Variants in ADGB observed in about 807,000 individuals in gnomAD.
ADGB encodes calpain-7-like protein.
ADGB carries 172 observed loss-of-function variants against 210.5 expected under a neutral mutation model. That is an observed-to-expected ratio of 0.82 (90% CI 0.72 to 0.93). ADGB has a LOEUF of 0.93. ADGB is among the 40% of genes least tolerant of loss of function. ADGB has a pLI of 0.00. For synonymous variants in ADGB, 658 were observed against 662.7 expected (o/e 0.99, Z 0.11); for missense variants, 2,025 against 1,964.8 (o/e 1.03, Z -0.58).
intron 33 of ADGB, among the ~76,000 whole-genome samples, chr6:146,799,488 C>T (rs1344884940): frequency 7.0e-5 from 10 of 142,746 alleles, no homozygotes; most frequent in African/African-American, 2.3e-4. Flanking sequence ...GAGCCAAGAT[C>T]GCGCCACTGC....
At chr6:146,813,358 T>G (rs1443182722) in intron 35 of ADGB, among the ~76,000 whole-genome samples, 1 of 152,128 alleles carries the variant, frequency 6.6e-6, no homozygotes, top group African/African-American at 2.4e-5. Flanking sequence ...CCGTTGGTGG[T>G]TTATTGTGTT....
chr6:146,760,923 T>C (rs2114621735), intron 27 of ADGB, among the ~76,000 whole-genome samples: 1 of 152,080 alleles, frequency 6.6e-6, no homozygotes, highest in African/African-American at 2.4e-5. Context: ...ATTCACACAT[T>C]ACACCCACAT....
intron 35 of ADGB, among the ~76,000 whole-genome samples, chr6:146,813,768 TTG>T (rs1778338611): frequency 6.6e-6 from 1 of 152,222 alleles, no homozygotes; most frequent in African/African-American, 2.4e-5. Flanking sequence ...TTTGTGGTTT[TTG>T]TGTGTAATAA....
intron 2 of ADGB, among the ~76,000 whole-genome samples, chr6:146,640,134 C>T (rs1156516021): frequency 6.6e-6 from 1 of 152,022 alleles, no homozygotes; most frequent in African/African-American, 2.4e-5. Flanking sequence ...ACAAACTCCT[C>T]TATGCACACA....
chr6:146,626,612 A>T (rs897166855), intron 1 of ADGB, among the ~76,000 whole-genome samples: 2 of 151,628 alleles, frequency 1.3e-5, no homozygotes, highest in African/African-American at 4.8e-5. Flanking sequence ...TTTCATTTAC[A>T]TTGTGTTTTA....
intron 35 of ADGB, among the ~76,000 whole-genome samples, chr6:146,810,241 A>G (rs1406972621): frequency 1.3e-5 from 2 of 152,244 alleles, no homozygotes; most frequent in African/African-American, 4.8e-5. Flanking sequence ...AGAAATGCAA[A>G]TCAAAACAAT....
chr6:146,762,306 G>T (rs1777504141), intron 27 of ADGB, among the ~76,000 whole-genome samples: 1 of 151,952 alleles, frequency 6.6e-6, no homozygotes, highest in African/African-American at 2.4e-5. Flanking sequence ...ACAAAATGTT[G>T]TTCAAGTCTA....
chr6:146,650,851 G>A (rs1370351117), intron 3 of ADGB, among the ~76,000 whole-genome samples: 2 of 152,114 alleles, frequency 1.3e-5, no homozygotes, highest in African/African-American at 4.8e-5. Context: ...AGGGGTTACT[G>A]GAGAAATGTC....
rs527583852 is a variant in ADGB at position 146,707,947 on chromosome 6, G to T, written c.1707+6877G>T. Among the ~76,000 whole-genome samples, 6 of 151,944 alleles carry T rather than the reference G, an allele frequency of 3.9e-5. No homozygotes were observed. The East Asian group carries it at 1.2e-3, about 29-fold the overall frequency. On this transcript the variant is annotated intron_variant, in intron 13 of 35. Coordinates refer to ENST00000397944, the MANE Select transcript of ADGB (RefSeq NM_024694.4). ...CTCTTCTGTTTTCCTTTGTAATTAG[G>T]TTATGTTTTTAGTGGTTTGCTTTGA... is the stretch of plus-strand genomic sequence containing the variant.
chr6:146,809,551 A>G (rs1254239383), intron 35 of ADGB, among the ~76,000 whole-genome samples: 1 of 152,112 alleles, frequency 6.6e-6, no homozygotes, highest in Admixed American at 6.5e-5. Context: ...CATGTTTCCC[A>G]GGCTGTTCTC....
intron 2 of ADGB, among the ~76,000 whole-genome samples, chr6:146,639,524 G>T (rs1163312098): frequency 6.6e-6 from 1 of 151,930 alleles, no homozygotes; most frequent in Non-Finnish European, 1.5e-5. Context: ...GTCAGCCAGA[G>T]AAATCAGGTA....
chr6:146,773,182 T>G (rs1777676258), intron 29 of ADGB, among the ~76,000 whole-genome samples: 1 of 152,064 alleles, frequency 6.6e-6, no homozygotes, highest in Non-Finnish European at 1.5e-5. Context: ...TCATAATTAT[T>G]AATATTAAGA....
At chr6:146,745,534 C>T (rs1777215135) in intron 25 of ADGB, among the ~76,000 whole-genome samples, 1 of 152,092 alleles carries the variant, frequency 6.6e-6, no homozygotes, top group Non-Finnish European at 1.5e-5. Flanking sequence ...TTCAGTATTC[C>T]AGAAAGATAG....
At chr6:146,663,206 T>TTA (rs547322315) in intron 5 of ADGB, among the ~76,000 whole-genome samples, 8 of 144,156 alleles carry the variant, frequency 5.5e-5, no homozygotes, top group Admixed American at 1.4e-4. Context: ...TTAAGGTTTT[T>TTA]TATATATATA....
intron 35 of ADGB, among the ~76,000 whole-genome samples, chr6:146,813,590 C>G (rs548203214): frequency 1.3e-5 from 2 of 151,594 alleles, no homozygotes; most frequent in East Asian, 4.0e-4. Flanking sequence ...TGTTTAGATT[C>G]ACTGTTGTGT....
chr6:146,618,388 A>G (rs1780835353), intron 1 of ADGB, among the ~76,000 whole-genome samples: 1 of 151,372 alleles, frequency 6.6e-6, no homozygotes, highest in African/African-American at 2.4e-5. Flanking sequence ...GATATTTATT[A>G]TTTCTTTTCT....
Position 146,769,141 on chromosome 6 carries a change from C to T in ADGB, c.3862+10C>T, listed in dbSNP as rs1777617606. On this transcript the variant is annotated intron_variant, in intron 29 of 35. Transcript: ENST00000397944. ...AAAAGTAATACCAAAGGTATGTCACCCTAAATGTTTAAACATGCACTTTAC... is the reference window on the plus strand; with the variant it reads ...AAAAGTAATACCAAAGGTATGTCACTCTAAATGTTTAAACATGCACTTTAC... 1.4e-6 allele frequency: 2 copies of T among 1,402,774 alleles called. No homozygotes were observed. The highest frequency in any genetic ancestry group is 1.4e-5 in the African/African-American group (1 of 70,564). The allele number at this position is 1,402,774 out of a possible 1,614,324, so 86.9% of individuals were successfully genotyped here.
chr6:146,730,810 G>A (rs1279462635), intron 20 of ADGB, among the ~76,000 whole-genome samples: 2 of 152,104 alleles, frequency 1.3e-5, no homozygotes, highest in Non-Finnish European at 2.9e-5. Context: ...GTGGTGGTGG[G>A]CACCTGTAAT....
chr6:146,706,845 GTT>G (rs34520729), intron 13 of ADGB, among the ~76,000 whole-genome samples: 194 of 100,696 alleles, frequency 1.9e-3, no homozygotes, highest in Non-Finnish European at 2.8e-3. Context: ...TCAGCTTAGT[GTT>G]TTTTTTTTTT....
Sources: gnomAD v4.1 joint callset for allele counts (sites outside exome capture counted in the v4.1 genomes callset) on GRCh38, gnomAD v4.1.1 for gene constraint, MANE v1.5 for transcripts, NCBI Gene and HGNC (gene_info 2026-07-23, HGNC 2026-07-21) for gene names.